RXFP2: variants seen among roughly 807,000 people sequenced by gnomAD.
RXFP2 encodes the protein relaxin receptor 2.
In RXFP2, 68 loss-of-function variants were observed where a neutral mutation model predicts 88.6. The observed-to-expected ratio is 0.77, with a 90% CI of 0.63 to 0.94. The LOEUF is 0.94. Ranked by LOEUF, RXFP2 falls within the 40% of genes least tolerant of loss-of-function variation. The pLI is 0.00. For missense variants in RXFP2, 791 were observed against 893.9 expected, an observed-to-expected ratio of 0.88 and a Z score of 1.47; for synonymous variants, 329 against 306.8, an observed-to-expected ratio of 1.07 and a Z score of -0.76.
At chr13:31,782,318 T>C (rs1873321667) in intron 10 of RXFP2, among the ~76,000 whole-genome samples, 1 of 152,212 alleles carries the variant, frequency 6.6e-6, no homozygotes, top group Non-Finnish European at 1.5e-5. Context: ...GTTTTAATGA[T>C]AGTTTTCCAC....
At chr13:31,766,885 T>C (rs1872570296) in intron 5 of RXFP2, among the ~76,000 whole-genome samples, 1 of 152,154 alleles carries the variant, frequency 6.6e-6, no homozygotes, top group Non-Finnish European at 1.5e-5. Flanking sequence ...TCAATATCTG[T>C]CAATCCCTCT....
chr13:31,766,632 G>A (rs900659587), intron 5 of RXFP2, among the ~76,000 whole-genome samples: 1 of 152,070 alleles, frequency 6.6e-6, no homozygotes, highest in African/African-American at 2.4e-5. Flanking sequence ...TCTCTTGGAG[G>A]GTCAGGATGC....
Position 31,754,348 on chromosome 13 carries a change from T to C in RXFP2, c.95-3910T>C, listed in dbSNP as rs572479328. ...GAGTTTGAGACCAGCCTGACCATTA[T>C]GGTGAAACCCCATCTCTACTAAATA... On this transcript the variant is annotated intron_variant, in intron 1 of 17. Coordinates refer to ENST00000298386, the MANE Select transcript of RXFP2 (RefSeq NM_130806.5). Among the ~76,000 whole-genome samples, 21 of 152,272 alleles carry C rather than the reference T, an allele frequency of 1.4e-4. No individual in the cohort carries two copies. In the East Asian group the frequency reaches 3.5e-3, roughly 25 times the overall value.
At chr13:31,748,207 CT>C (rs1871506845) in intron 1 of RXFP2, among the ~76,000 whole-genome samples, 1 of 152,172 alleles carries the variant, frequency 6.6e-6, no homozygotes, top group Non-Finnish European at 1.5e-5. Flanking sequence ...GTATGAATCT[CT>C]TGGTGCACAT....
chr13:31,777,235 C>A, intron 7 of RXFP2, 141 bp from the exon 8 acceptor site: 1 of 651,368 alleles, frequency 1.5e-6, no homozygotes, highest in Non-Finnish European at 2.8e-6. Context: ...CAACCACAGA[C>A]GGAAGGAAAA....
chr13:31,773,879 T>C (rs1035465491), intron 5 of RXFP2, among the ~76,000 whole-genome samples: 3 of 152,214 alleles, frequency 2.0e-5, no homozygotes, highest in Admixed American at 2.0e-4. Flanking sequence ...TAACAATTTG[T>C]TACTATTAGT....
chr13:31,777,437 T>C lies in RXFP2; in HGVS notation c.703T>C (p.Leu235=). Residue 235 remains leucine, a synonymous_variant, in exon 8 of 18, where the codon TTG becomes CTG. Transcript: ENST00000298386. The stretch of plus-strand genomic sequence containing the variant: ...GCGCTTGTTTACGGGATTAAATTCC[T>C]TGTTTTTCCTGTAAGTATTCATCAA... The part of the protein sequence containing the change: ...SQRLFTGLNS[L]FFLSMVNNYL... 1 of 1,607,684 alleles carries C rather than the reference T, an allele frequency of 6.2e-7. No homozygotes were observed. The highest frequency in any genetic ancestry group is 1.3e-5 in the African/African-American group (1 of 74,946).
At chr13:31,754,001 C>G (rs897502750) in intron 1 of RXFP2, among the ~76,000 whole-genome samples, 6 of 152,136 alleles carry the variant, frequency 3.9e-5, no homozygotes, top group Admixed American at 1.3e-4. Context: ...AGATGCCACT[C>G]TGGGGTGGAA....
chr13:31,800,779 A>G (rs911485697), intron 17 of RXFP2, among the ~76,000 whole-genome samples: 4 of 152,206 alleles, frequency 2.6e-5, no homozygotes, highest in Admixed American at 6.5e-5. Flanking sequence ...CTTTGTGGGC[A>G]CAACAGAAAA....
At chr13:31,795,388 G>A (rs943046345) in intron 16 of RXFP2, among the ~76,000 whole-genome samples, 9 of 152,160 alleles carry the variant, frequency 5.9e-5, no homozygotes, top group African/African-American at 1.9e-4. Flanking sequence ...GACCTCAAGC[G>A]ATCCGCCCAC....
intron 5 of RXFP2, among the ~76,000 whole-genome samples, chr13:31,768,534 C>CA (rs746503408): frequency 7.9e-5 from 12 of 152,180 alleles, no homozygotes; most frequent in Non-Finnish European, 1.5e-4. Flanking sequence ...TGCCCAAAGT[C>CA]AGTCAGCTGA....
chr13:31,742,510 G>C (rs1161083203), intron 1 of RXFP2, among the ~76,000 whole-genome samples: 1 of 152,184 alleles, frequency 6.6e-6, no homozygotes, highest in Admixed American at 6.5e-5. Flanking sequence ...CACTGTGAGG[G>C]AGGAGGAAAA....
At chr13:31,749,961 C>T (rs763635261) in intron 1 of RXFP2, among the ~76,000 whole-genome samples, 6 of 152,180 alleles carry the variant, frequency 3.9e-5, no homozygotes, top group Non-Finnish European at 8.8e-5. Flanking sequence ...CAAAACCTCA[C>T]TCATATGCTG....
chr13:31,776,148 C>CTTTCTTTCTCTT (rs1872962101), intron 7 of RXFP2, among the ~76,000 whole-genome samples: 1 of 98,476 alleles, frequency 1.0e-5, no homozygotes, highest in Middle Eastern at 5.3e-3. Context: ...CTTTCTCTTT[C>CTTTCTTTCTCTT]TCTCTCTCTC....
chr13:31,743,925 T>A (rs991002350), intron 1 of RXFP2, among the ~76,000 whole-genome samples: 1 of 152,160 alleles, frequency 6.6e-6, no homozygotes, highest in African/African-American at 2.4e-5. Flanking sequence ...ATTGGTCACA[T>A]CTGGCTTTTC....
At chr13:31,762,974 T>C (rs1050967341) in intron 3 of RXFP2, among the ~76,000 whole-genome samples, 4 of 151,954 alleles carry the variant, frequency 2.6e-5, no homozygotes, top group Non-Finnish European at 5.9e-5. Context: ...TGATCAGAAA[T>C]GTATGTGAGG....
At chr13:31,758,971 C>A (rs1482706795) in intron 2 of RXFP2, among the ~76,000 whole-genome samples, 1 of 151,966 alleles carries the variant, frequency 6.6e-6, no homozygotes, top group Non-Finnish European at 1.5e-5. Context: ...TTGCCTGAAC[C>A]CGGGAGGCAA....
chr13:31,795,056 A>C (rs570226470), intron 16 of RXFP2, among the ~76,000 whole-genome samples: 15 of 152,302 alleles, frequency 9.8e-5, no homozygotes, highest in African/African-American at 2.6e-4. Context: ...ATTTTAGGAA[A>C]GGTGCAAAGA....
intron 1 of RXFP2, among the ~76,000 whole-genome samples, chr13:31,750,179 C>T (rs1488664327): frequency 6.6e-6 from 1 of 152,138 alleles, no homozygotes; most frequent in Non-Finnish European, 1.5e-5. Context: ...GGTTGCATTG[C>T]CCATTTCCGT....
Sources: allele counts gnomAD v4.1 joint callset (sites outside exome capture counted in the v4.1 genomes callset), GRCh38; gene constraint gnomAD v4.1.1; transcripts MANE v1.5; gene names NCBI Gene and HGNC (gene_info 2026-07-23, HGNC 2026-07-21).